Variants in EYA2 observed in about 807,000 individuals in gnomAD.
The protein encoded by EYA2 is EYA transcriptional coactivator and phosphatase 2.
Under a neutral mutation model 69.2 loss-of-function variants are expected in EYA2, and 31 were observed. That is an observed-to-expected ratio of 0.45 (90% CI 0.34 to 0.60). EYA2 has a LOEUF of 0.60. Among genes scored for constraint, EYA2 ranks in the 20% least tolerant of loss-of-function variants. The pLI is 0.02. For missense variants in EYA2, 622 were observed against 701.2 expected (o/e 0.89, Z 1.28); for synonymous variants, 257 against 279.4 (o/e 0.92, Z 0.80).
At chr20:47,041,541 A>G (rs527611996) in intron 5 of EYA2, among the ~76,000 whole-genome samples, 16 of 152,336 alleles carry the variant, frequency 1.1e-4, no homozygotes, top group South Asian at 6.2e-4. Context: ...GCAACTGCCA[A>G]CGGTCTGTTC....
chr20:47,119,930 G>A (rs1034693989), intron 9 of EYA2, among the ~76,000 whole-genome samples: 3 of 152,002 alleles, frequency 2.0e-5, no homozygotes, highest in Admixed American at 6.6e-5. Flanking sequence ...AAAATAGGCC[G>A]GGCACAGTGG....
chr20:47,079,304 A>G (rs1449770628), intron 7 of EYA2, among the ~76,000 whole-genome samples: 1 of 152,246 alleles, frequency 6.6e-6, no homozygotes, highest in African/African-American at 2.4e-5. Flanking sequence ...TTCTGGAGGT[A>G]AGAAATGCAA....
chr20:47,179,471 ATGGATGGATGGG>A lies in EYA2; in HGVS notation c.1199-315_1199-304del, dbSNP rs1161192170. On this transcript the variant is annotated intron_variant, in intron 12 of 15. Coordinates refer to ENST00000327619, the MANE Select transcript of EYA2 (RefSeq NM_005244.5). ...GGATGGATGGATGGATATTGGGCAG[ATGGATGGATGGG>A]TGGATGGATGGATATTGGGTGGATG... 6.8e-5 allele frequency among the ~76,000 whole-genome samples: 9 copies of A among 131,678 alleles called. No individual in the cohort carries two copies. In the South Asian group the frequency reaches 2.5e-3, roughly 36 times the overall value. 86.4% of individuals were successfully genotyped at this position (131,678 alleles called of 152,430 possible).
chr20:47,117,746 C>G, intron 9 of EYA2: 1 of 947,942 alleles, frequency 1.1e-6, no homozygotes, highest in South Asian at 4.9e-5. Context: ...CTCTCGAGGA[C>G]TATTAGTTAA....
At chr20:47,100,780 AT>A (rs2032401946) in intron 9 of EYA2, among the ~76,000 whole-genome samples, 1 of 152,240 alleles carries the variant, frequency 6.6e-6, no homozygotes, top group Admixed American at 6.5e-5. Context: ...GAGTATTATC[AT>A]TTGCTAAATC....
intron 10 of EYA2, among the ~76,000 whole-genome samples, chr20:47,158,158 C>T (rs749779412): frequency 3.3e-5 from 5 of 151,970 alleles, no homozygotes; most frequent in Non-Finnish European, 7.3e-5. Context: ...TTGACACCTG[C>T]CCCTTGCCTC....
intron 9 of EYA2, among the ~76,000 whole-genome samples, chr20:47,127,626 C>T (rs1314084025): frequency 1.2e-4 from 19 of 152,186 alleles, no homozygotes; most frequent in Admixed American, 1.2e-3. Flanking sequence ...CTCTGAGCCT[C>T]CTTGGGCTGA....
chr20:47,094,432 C>T (rs1046534124), intron 8 of EYA2, among the ~76,000 whole-genome samples: 22 of 152,258 alleles, frequency 1.4e-4, no homozygotes, highest in Admixed American at 5.9e-4. Flanking sequence ...ATAACTGGTC[C>T]AAAAGATTTA....
chr20:47,184,003 C>T (rs1359170743), intron 15 of EYA2, among the ~76,000 whole-genome samples: 2 of 152,080 alleles, frequency 1.3e-5, no homozygotes, highest in Non-Finnish European at 2.9e-5. Context: ...TGCCTGGCAG[C>T]AAATCCCAAG....
chr20:47,150,436 T>A (rs1004711700), intron 10 of EYA2, among the ~76,000 whole-genome samples: 2 of 152,144 alleles, frequency 1.3e-5, no homozygotes, highest in Admixed American at 6.5e-5. Flanking sequence ...AGGCAGCTCT[T>A]CCATGCCAGA....
chr20:47,074,945 C>T (rs557311034), intron 7 of EYA2, among the ~76,000 whole-genome samples: 1 of 152,304 alleles, frequency 6.6e-6, no homozygotes, highest in African/African-American at 2.4e-5. Flanking sequence ...AACCCCATCT[C>T]TACTAAAAAT....
chr20:47,016,014 A>T (rs1465406307), intron 4 of EYA2, among the ~76,000 whole-genome samples, 167 bp from the exon 5 acceptor site: 1 of 152,260 alleles, frequency 6.6e-6, no homozygotes, highest in South Asian at 2.1e-4. Flanking sequence ...TGGCCAAGTC[A>T]AATGTCTATA....
chr20:46,924,121 G>A (rs944020503), intron 1 of EYA2, among the ~76,000 whole-genome samples: 4 of 152,064 alleles, frequency 2.6e-5, no homozygotes, highest in African/African-American at 9.7e-5. Flanking sequence ...TTATATTTGT[G>A]ATTTTTAAAA....
chr20:47,030,101 G>T (rs912608636), intron 5 of EYA2, among the ~76,000 whole-genome samples: 3 of 152,214 alleles, frequency 2.0e-5, no homozygotes, highest in African/African-American at 7.2e-5. Flanking sequence ...AAAAGCAGGT[G>T]GTGGGTTGGA....
chr20:47,010,695 G>A (rs1302918519), intron 4 of EYA2, among the ~76,000 whole-genome samples: 1 of 150,182 alleles, frequency 6.7e-6, no homozygotes, highest in African/African-American at 2.4e-5. Flanking sequence ...ATGTGTATGT[G>A]TACAAATATA....
At chr20:47,161,403 T>G in intron 10 of EYA2, 1 of 418,154 alleles carries the variant, frequency 2.4e-6, no homozygotes, top group Non-Finnish European at 4.5e-6. Context: ...TGGCATGATC[T>G]TCAAAACCTC....
At chr20:46,965,171 G>A (rs1448549016) in intron 1 of EYA2, among the ~76,000 whole-genome samples, 3 of 152,158 alleles carry the variant, frequency 2.0e-5, no homozygotes, top group Non-Finnish European at 2.9e-5. Flanking sequence ...TTAGAACTGA[G>A]CCCGACCTTG....
intron 9 of EYA2, among the ~76,000 whole-genome samples, chr20:47,134,571 C>A (rs1216577793): frequency 8.0e-6 from 1 of 124,936 alleles, no homozygotes; most frequent in Admixed American, 7.2e-5. Context: ...TATAACCCAC[C>A]ACATACACAC....
intron 1 of EYA2, among the ~76,000 whole-genome samples, chr20:46,907,194 CAG>C (rs1255326963): frequency 3.3e-5 from 5 of 152,180 alleles, no homozygotes; most frequent in Admixed American, 1.3e-4. Flanking sequence ...TATCTTCCTA[CAG>C]GGCACAAATG....
Sources: allele counts gnomAD v4.1 joint callset (sites outside exome capture counted in the v4.1 genomes callset), GRCh38; gene constraint gnomAD v4.1.1; transcripts MANE v1.5; gene names NCBI Gene and HGNC (gene_info 2026-07-23, HGNC 2026-07-21).